The following ARFIP1 variants were observed in gnomAD, a reference collection of about 807,000 sequenced individuals.
The protein encoded by ARFIP1 is ARF interacting protein 1, also known as arfaptin-1.
In ARFIP1, 24 loss-of-function variants were observed where a neutral mutation model predicts 42.5. That is an observed-to-expected ratio of 0.57 (90% CI 0.41 to 0.80). ARFIP1 has a LOEUF of 0.80. Ranked by LOEUF, ARFIP1 falls within the 30% of genes least tolerant of loss-of-function variation. The pLI, the probability that ARFIP1 is intolerant of heterozygous loss-of-function variation, is 0.00. For missense variants in ARFIP1, 354 were observed against 434.0 expected (o/e 0.82, Z 1.64); for synonymous variants, 141 against 153.7 (o/e 0.92, Z 0.61).
chr4:152,903,973 T>G (rs1446775649), intron 8 of ARFIP1, among the ~76,000 whole-genome samples: 1 of 152,108 alleles, frequency 6.6e-6, no homozygotes, highest in East Asian at 1.9e-4. Context: ...GCAAGGCCAG[T>G]ACATGAATTA....
chr4:152,844,964 A>G (rs570373443), intron 2 of ARFIP1, among the ~76,000 whole-genome samples: 17 of 152,302 alleles, frequency 1.1e-4, no homozygotes, highest in African/African-American at 3.1e-4. Context: ...ACTTCAAACT[A>G]TAAGGCTATA....
chr4:152,895,827 G>A (rs1737276005), intron 8 of ARFIP1, among the ~76,000 whole-genome samples: 1 of 152,066 alleles, frequency 6.6e-6, no homozygotes, highest in African/African-American at 2.4e-5. Flanking sequence ...CTCCCAAAGA[G>A]CTAGGATTAT....
chr4:152,849,405 GT>G (rs1732807548), intron 2 of ARFIP1, among the ~76,000 whole-genome samples: 1 of 152,160 alleles, frequency 6.6e-6, no homozygotes, highest in East Asian at 1.9e-4. Flanking sequence ...GGAATATGTC[GT>G]TTTTAAATTT....
chr4:152,834,374 C>G (rs1731482917), intron 2 of ARFIP1, among the ~76,000 whole-genome samples: 1 of 152,174 alleles, frequency 6.6e-6, no homozygotes, highest in South Asian at 2.1e-4. Context: ...TATTAACTCT[C>G]AAGTCTAAAC....
chr4:152,854,218 C>T (rs1024480469), intron 2 of ARFIP1, among the ~76,000 whole-genome samples: 6 of 152,016 alleles, frequency 3.9e-5, no homozygotes, highest in Non-Finnish European at 8.8e-5. Context: ...CAGCCAAGTT[C>T]TGAGATTCTT....
At chr4:152,851,559 T>G (rs1732984281) in intron 2 of ARFIP1, among the ~76,000 whole-genome samples, 1 of 152,192 alleles carries the variant, frequency 6.6e-6, no homozygotes, top group African/African-American at 2.4e-5. Context: ...AGTTTAGTCT[T>G]TACCTAAAAG....
intron 1 of ARFIP1, among the ~76,000 whole-genome samples, chr4:152,819,384 C>T (rs1010529486): frequency 1.3e-5 from 2 of 152,222 alleles, no homozygotes; most frequent in Non-Finnish European, 2.9e-5. Flanking sequence ...AGGCAACACA[C>T]TAAGGCTCTT....
intron 2 of ARFIP1, among the ~76,000 whole-genome samples, chr4:152,840,324 C>T (rs1240808736): frequency 6.6e-6 from 1 of 152,114 alleles, no homozygotes; most frequent in Non-Finnish European, 1.5e-5. Context: ...ATCTTGATGA[C>T]CTGTCTAGTG....
At chr4:152,793,874 T>C (rs1731276331) in intron 1 of ARFIP1, among the ~76,000 whole-genome samples, 1 of 152,188 alleles carries the variant, frequency 6.6e-6, no homozygotes, top group Non-Finnish European at 1.5e-5. Context: ...ACGAACTGCC[T>C]GAACCTTCCA....
At chr4:152,837,503 T>C (rs1364372870) in intron 2 of ARFIP1, among the ~76,000 whole-genome samples, 2 of 152,254 alleles carry the variant, frequency 1.3e-5, no homozygotes, top group African/African-American at 4.8e-5. Flanking sequence ...GTTGTGGTTT[T>C]GATTTGCATT....
chr4:152,863,553 C>A (rs1046526918), intron 2 of ARFIP1, 53 bp from the exon 3 acceptor site: 8 of 1,004,732 alleles, frequency 8.0e-6, no homozygotes, highest in Non-Finnish European at 1.1e-5. Flanking sequence ...TGAACTGTTA[C>A]GTCATGTGGG....
chr4:152,819,992 T>A (rs2149838715), intron 1 of ARFIP1, among the ~76,000 whole-genome samples: 1 of 152,244 alleles, frequency 6.6e-6, no homozygotes. Context: ...ACAACTCTTC[T>A]GTATGTGTAA....
intron 3 of ARFIP1, among the ~76,000 whole-genome samples, chr4:152,864,913 CTTTT>C (rs34123163): frequency 9.8e-5 from 11 of 112,456 alleles, no homozygotes; most frequent in Non-Finnish European, 1.3e-4. Context: ...CTTTTTTAAA[CTTTT>C]TTTTTTTTTT....
intron 2 of ARFIP1, among the ~76,000 whole-genome samples, chr4:152,832,736 A>G (rs1731348370): frequency 6.6e-6 from 1 of 152,192 alleles, no homozygotes. Context: ...TTCATCTTGA[A>G]TTAGTTTTTG....
At chr4:152,842,330 GAAA>G (rs57030471) in intron 2 of ARFIP1, among the ~76,000 whole-genome samples, 3 of 112,962 alleles carry the variant, frequency 2.7e-5, no homozygotes. Context: ...TCTTGCAACT[GAAA>G]AAAAAAAAAA....
At chr4:152,864,913 CTTTTTTT>C (rs34123163) in intron 3 of ARFIP1, among the ~76,000 whole-genome samples, 6 of 112,484 alleles carry the variant, frequency 5.3e-5, no homozygotes, top group Non-Finnish European at 9.2e-5. Flanking sequence ...CTTTTTTAAA[CTTTTTTT>C]TTTTTTTTTT....
At chr4:152,791,425 T>A (rs1731140823) in intron 1 of ARFIP1, among the ~76,000 whole-genome samples, 1 of 152,200 alleles carries the variant, frequency 6.6e-6, no homozygotes, top group African/African-American at 2.4e-5. Flanking sequence ...GGTAACTCAA[T>A]TTTTTATTGT....
intron 8 of ARFIP1, among the ~76,000 whole-genome samples, chr4:152,889,483 T>G (rs1736540064): frequency 8.3e-6 from 1 of 120,066 alleles, no homozygotes; most frequent in Admixed American, 9.8e-5. Flanking sequence ...CACATAAGAT[T>G]GCATTCATTT....
chr4:152,828,330 A>C (rs1032136848), intron 1 of ARFIP1, among the ~76,000 whole-genome samples: 4 of 152,230 alleles, frequency 2.6e-5, no homozygotes, highest in African/African-American at 9.6e-5. Context: ...TCCTTCTAGC[A>C]GTGAGTGAGA....
Sources: allele counts gnomAD v4.1 joint callset (sites outside exome capture counted in the v4.1 genomes callset), GRCh38; gene constraint gnomAD v4.1.1; transcripts MANE v1.5; gene names NCBI Gene and HGNC (gene_info 2026-07-23, HGNC 2026-07-21).